The following CHD6 variants were observed in gnomAD, a reference collection of about 807,000 sequenced individuals.
CHD6 encodes the protein ATP-dependent chromatin remodeler CHD6.
CHD6 carries 50 observed loss-of-function variants against 276.9 expected under a neutral mutation model. The observed-to-expected ratio is 0.18, with a 90% CI of 0.14 to 0.23. CHD6 has a LOEUF of 0.23. Ranked by LOEUF, CHD6 falls within the 10% of genes least tolerant of loss-of-function variation. The pLI is 1.00. For missense variants in CHD6, 2,564 were observed against 3,365.8 expected, an observed-to-expected ratio of 0.76 and a Z score of 5.89; for synonymous variants, 1,173 against 1,229.3, an observed-to-expected ratio of 0.95 and a Z score of 0.96.
chr20:41,408,969 G>A (rs2046764730), intron 36 of CHD6, among the ~76,000 whole-genome samples: 2 of 152,330 alleles, frequency 1.3e-5, no homozygotes, highest in South Asian at 4.1e-4. Flanking sequence ...TCAGGATCTG[G>A]GATGTCAAAA....
At position 41,425,149 on chromosome 20, in the gene CHD6, A is replaced by G. The variant is rs755179548; in HGVS notation, c.4346+29T>C. ...GAAAACTTTACCCAGTGGGTGGCTGAGCATGCCCCTTTGGCCACTGGCTTT... is the reference window on the plus strand; with the variant it reads ...GAAAACTTTACCCAGTGGGTGGCTGGGCATGCCCCTTTGGCCACTGGCTTT... On this transcript the variant is annotated intron_variant, in intron 29 of 36. Coordinates refer to ENST00000373233, the MANE Select transcript of CHD6 (RefSeq NM_032221.5). 9 of 1,588,260 alleles carry G rather than the reference A, an allele frequency of 5.7e-6. No individual in the cohort carries two copies. In the East Asian group the frequency reaches 1.8e-4, roughly 32 times the overall value.
chr20:41,435,497 GGGAGGCTGA>G (rs1266634804), intron 27 of CHD6, among the ~76,000 whole-genome samples: 1 of 151,772 alleles, frequency 6.6e-6, no homozygotes, highest in Non-Finnish European at 1.5e-5. Context: ...CCTACTACTT[GGGAGGCTGA>G]GCTGGGAGCA....
chr20:41,578,883 A>G (rs2045503608), intron 1 of CHD6, among the ~76,000 whole-genome samples: 2 of 150,792 alleles, frequency 1.3e-5, no homozygotes, highest in Admixed American at 1.3e-4. Context: ...AAAAAAATCT[A>G]CTTTGGGAGG....
chr20:41,596,108 C>A (rs188993786), intron 1 of CHD6, among the ~76,000 whole-genome samples: 1 of 152,202 alleles, frequency 6.6e-6, no homozygotes, highest in Non-Finnish European at 1.5e-5. Flanking sequence ...GCCCTGCGGG[C>A]CCCGTCACCC....
chr20:41,617,475 G>C (rs1390926190), intron 1 of CHD6, among the ~76,000 whole-genome samples: 1 of 152,096 alleles, frequency 6.6e-6, no homozygotes, highest in Non-Finnish European at 1.5e-5. Flanking sequence ...ACTAGTGAGG[G>C]GATTTCCTAA....
intron 1 of CHD6, among the ~76,000 whole-genome samples, chr20:41,575,108 T>A (rs1028900528): frequency 1.3e-5 from 2 of 152,330 alleles, no homozygotes; most frequent in South Asian, 2.1e-4. Context: ...TTCATTTACA[T>A]AGCGTGTACA....
intron 2 of CHD6, among the ~76,000 whole-genome samples, chr20:41,547,235 A>G (rs1420460230): frequency 6.6e-6 from 1 of 152,234 alleles, no homozygotes; most frequent in East Asian, 1.9e-4. Context: ...CTGACAAACT[A>G]AATACCAAGT....
Position 41,405,017 on chromosome 20 carries a change from C to T in CHD6, c.7724G>A (p.Ser2575Asn), listed in dbSNP as rs1600775162. Residue 2575 changes from serine to asparagine, a missense_variant, in exon 37 of 37, where the codon AGC becomes AAC. By Grantham distance (46) the Ser-to-Asn change is conservative. This residue lies in a region of CHD6 where 238 missense variants were observed against 266.0 expected (regional missense o/e 0.89). Coordinates refer to ENST00000373233, the MANE Select transcript of CHD6 (RefSeq NM_032221.5). ...TEKTAEDKPSSHDVKTDTLAE... is the reference protein window; with the variant it reads ...TEKTAEDKPSNHDVKTDTLAE... Reference sequence around the variant, plus strand: ...TAAAGTGTCTGTTTTCACATCATGGCTACTCGGCTTGTCTTCCGCAGTCTT... The same window carrying T: ...TAAAGTGTCTGTTTTCACATCATGGTTACTCGGCTTGTCTTCCGCAGTCTT... 1 of 1,614,242 alleles carries T rather than the reference C, an allele frequency of 6.2e-7. No homozygotes were observed. The highest frequency in any genetic ancestry group is 8.5e-7 in the Non-Finnish European group (1 of 1,180,048).
chr20:41,481,229 G>T (rs2043289109), intron 16 of CHD6, among the ~76,000 whole-genome samples: 1 of 151,670 alleles, frequency 6.6e-6, no homozygotes, highest in African/African-American at 2.4e-5. Flanking sequence ...CCTAAAAAAG[G>T]ATTTAAAGTT....
intron 5 of CHD6, among the ~76,000 whole-genome samples, chr20:41,503,854 G>T (rs1344838304): frequency 6.6e-6 from 1 of 151,888 alleles, no homozygotes; most frequent in Non-Finnish European, 1.5e-5. Context: ...GAAGTGGGTG[G>T]ATCAACTGAG....
chr20:41,569,497 G>A (rs966641552), intron 1 of CHD6, among the ~76,000 whole-genome samples: 1 of 152,132 alleles, frequency 6.6e-6, no homozygotes, highest in Admixed American at 6.5e-5. Flanking sequence ...TAGGGGGACT[G>A]GTCTGAGAGA....
intron 1 of CHD6, among the ~76,000 whole-genome samples, chr20:41,554,898 C>T (rs1601135868): frequency 1.3e-5 from 2 of 152,204 alleles, no homozygotes; most frequent in East Asian, 3.9e-4. Context: ...CTGTTGGGTA[C>T]ACCTCCCAGA....
chr20:41,541,016 G>A lies in CHD6; in HGVS notation c.34-7446C>T, dbSNP rs1285496599. Among the ~76,000 whole-genome samples the A allele has an allele frequency of 4.9e-4, 68 of 139,242 alleles. 1 individual carries two copies. Among genetic ancestry groups the A allele is most frequent in the Admixed American group, 2.2e-4 (3 of 13,736 alleles). The allele number at this position is 139,242 out of a possible 152,430, so 91.3% of individuals were successfully genotyped here. A position where few individuals can be genotyped will look rare whatever the true frequency, so the allele number is the denominator to read the frequency against. On this transcript the variant is annotated intron_variant, in intron 2 of 36. Coordinates refer to ENST00000373233, the MANE Select transcript of CHD6 (RefSeq NM_032221.5). ...TTTTTAAAACAGGCATTTGACTACAGAACATACTAAATGTAGAAAAAAAAA... is the reference window on the plus strand; with the variant it reads ...TTTTTAAAACAGGCATTTGACTACAAAACATACTAAATGTAGAAAAAAAAA...
intron 16 of CHD6, among the ~76,000 whole-genome samples, chr20:41,477,590 C>A (rs1313670114): frequency 2.0e-5 from 3 of 152,076 alleles, no homozygotes; most frequent in Non-Finnish European, 4.4e-5. Flanking sequence ...TCTCTCCAAA[C>A]CTCTAGTAAA....
intron 2 of CHD6, among the ~76,000 whole-genome samples, chr20:41,536,831 T>G (rs2044842184): frequency 1.3e-5 from 2 of 152,204 alleles, no homozygotes; most frequent in Admixed American, 6.5e-5. Flanking sequence ...GCTTCCAAGC[T>G]AGTACTGTTC....
chr20:41,463,325 A>T (rs2145728803), intron 17 of CHD6, among the ~76,000 whole-genome samples: 1 of 152,346 alleles, frequency 6.6e-6, no homozygotes, highest in African/African-American at 2.4e-5. Context: ...AGCCAAAAAT[A>T]ATCAATGGAT....
At chr20:41,497,153 AGAT>A in intron 8 of CHD6, 1 of 489,812 alleles carries the variant, frequency 2.0e-6, no homozygotes, top group Non-Finnish European at 3.7e-6. Context: ...ATTCAGACCA[AGAT>A]GCACGCCGTT....
intron 32 of CHD6, 96 bp downstream of exon 32, chr20:41,417,102 T>C: frequency 8.6e-7 from 1 of 1,158,792 alleles, no homozygotes; most frequent in Non-Finnish European, 1.2e-6. Flanking sequence ...CATTTCTGAG[T>C]TTCTTGTTCA....
chr20:41,406,699 C>G (rs1463321533), intron 36 of CHD6, among the ~76,000 whole-genome samples: 2 of 152,228 alleles, frequency 1.3e-5, no homozygotes, highest in African/African-American at 4.8e-5. Flanking sequence ...CGATTTCTTT[C>G]AGGACTTAGT....
Sources: gnomAD v4.1 joint callset for allele counts (sites outside exome capture counted in the v4.1 genomes callset) on GRCh38, gnomAD v4.1.1 for gene constraint, gnomAD v4.1.1 regional missense constraint, MANE v1.5 for transcripts, NCBI Gene and HGNC (gene_info 2026-07-23, HGNC 2026-07-21) for gene names.